Variants in LTBP1 observed in about 807,000 individuals in gnomAD.
LTBP1 encodes latent transforming growth factor beta binding protein 1.
Under a neutral mutation model 207.6 loss-of-function variants are expected in LTBP1, and 129 were observed. That is an observed-to-expected ratio of 0.62 (90% confidence interval 0.54 to 0.72). The LOEUF is 0.72. Among genes scored for constraint, LTBP1 ranks in the 30% least tolerant of loss-of-function variants. LTBP1 has a pLI of 0.00. For synonymous variants in LTBP1, 963 were observed against 833.7 expected (o/e 1.16, Z -2.67); for missense variants, 2,281 against 2,217.2 (o/e 1.03, Z -0.58).
intron 10 of LTBP1, among the ~76,000 whole-genome samples, chr2:33,251,968 T>A (rs2092698786): frequency 1.3e-5 from 2 of 152,196 alleles, no homozygotes; most frequent in Admixed American, 6.5e-5. Flanking sequence ...GATGAACTCT[T>A]ATCTACTAAA....
intron 3 of LTBP1, chr2:33,061,501 C>G (rs531125874): frequency 2.0e-5 from 3 of 152,116 alleles, no homozygotes; most frequent in South Asian, 2.1e-4. Flanking sequence ...GACAACCACT[C>G]TTCTGATTTT....
intron 7 of LTBP1, among the ~76,000 whole-genome samples, chr2:33,192,796 G>A (rs1337898221): frequency 2.0e-5 from 3 of 152,158 alleles, no homozygotes; most frequent in African/African-American, 7.2e-5. Flanking sequence ...TCAATATCAA[G>A]ATGCCAGCAT....
chr2:33,232,897 G>A (rs1268857252), intron 9 of LTBP1, among the ~76,000 whole-genome samples: 3 of 151,952 alleles, frequency 2.0e-5, no homozygotes, highest in Non-Finnish European at 4.4e-5. Context: ...GTTTTCTAGT[G>A]GTGCTTGACT....
intron 2 of LTBP1, among the ~76,000 whole-genome samples, chr2:32,963,024 G>A (rs892783313): frequency 6.6e-6 from 1 of 152,182 alleles, no homozygotes; most frequent in African/African-American, 2.4e-5. Context: ...GGGGGACAGG[G>A]AAATCAGCTC....
chr2:32,955,482 AT>A (rs936090740), intron 2 of LTBP1, among the ~76,000 whole-genome samples: 18 of 151,918 alleles, frequency 1.2e-4, no homozygotes, highest in Middle Eastern at 3.4e-3. Flanking sequence ...TCTTCCACTA[AT>A]TTTTTTTAAT....
intron 7 of LTBP1, among the ~76,000 whole-genome samples, chr2:33,212,801 A>G (rs1369731479): frequency 6.6e-6 from 1 of 152,132 alleles, no homozygotes; most frequent in Non-Finnish European, 1.5e-5. Flanking sequence ...CCAACATAAC[A>G]CTCCAAGGAA....
chr2:33,223,319 G>T (rs773354760), intron 9 of LTBP1, among the ~76,000 whole-genome samples: 9 of 152,130 alleles, frequency 5.9e-5, no homozygotes, highest in Non-Finnish European at 1.0e-4. Context: ...TAACATAAAA[G>T]AATTTATTTA....
intron 2 of LTBP1, among the ~76,000 whole-genome samples, chr2:32,959,615 A>ATTTTT (rs1232142524): frequency 4.0e-4 from 15 of 37,708 alleles, no homozygotes; most frequent in African/African-American, 7.5e-4. Flanking sequence ...ATATATATAT[A>ATTTTT]TATATATTTT....
chr2:33,393,751 T>C (rs549855992), intron 32 of LTBP1, among the ~76,000 whole-genome samples: 12 of 152,226 alleles, frequency 7.9e-5, no homozygotes, highest in Non-Finnish European at 1.8e-4. Flanking sequence ...ACAGTAAGCA[T>C]ACATGTGCAT....
intron 3 of LTBP1, among the ~76,000 whole-genome samples, 161 bp from the exon 4 acceptor site, chr2:33,110,421 A>G (rs929780466): frequency 3.9e-5 from 6 of 152,070 alleles, no homozygotes; most frequent in East Asian, 1.9e-4. Flanking sequence ...ACCTCCTTCT[A>G]TGTCATGAGT....
chr2:33,288,796 A>G (rs997614769), intron 19 of LTBP1, among the ~76,000 whole-genome samples: 2 of 151,204 alleles, frequency 1.3e-5, no homozygotes, highest in Admixed American at 6.6e-5. Flanking sequence ...CAGAAGTTGC[A>G]GTGAGCCGAG....
intron 2 of LTBP1, among the ~76,000 whole-genome samples, chr2:33,007,758 A>C (rs1017436442): frequency 6.6e-6 from 1 of 152,248 alleles, no homozygotes; most frequent in African/African-American, 2.4e-5. Flanking sequence ...AATTTGGTGC[A>C]TAGGATAATA....
At chr2:33,000,413 G>A (rs998656193) in intron 2 of LTBP1, among the ~76,000 whole-genome samples, 2 of 135,468 alleles carry the variant, frequency 1.5e-5, no homozygotes, top group African/African-American at 5.1e-5. Context: ...AGCATGAGCC[G>A]TGCATGGGAT....
intron 6 of LTBP1, among the ~76,000 whole-genome samples, chr2:33,187,318 C>T (rs554430833): frequency 2.7e-4 from 41 of 152,254 alleles, no homozygotes; most frequent in African/African-American, 9.4e-4. Context: ...GCCCATTCTT[C>T]TCTAGTGATT....
At chr2:33,359,424 T>G (rs2094901283) in intron 26 of LTBP1, among the ~76,000 whole-genome samples, 1 of 152,192 alleles carries the variant, frequency 6.6e-6, no homozygotes, top group South Asian at 2.1e-4. Context: ...TAGGAAGCTA[T>G]TGTAAAAATA....
intron 3 of LTBP1, among the ~76,000 whole-genome samples, chr2:33,100,588 C>T (rs764623942): frequency 3.0e-4 from 45 of 152,020 alleles, no homozygotes; most frequent in Admixed American, 4.6e-4. Context: ...TTTCATTGTA[C>T]AGTTCATGGA....
At chr2:33,391,494 C>T (rs1443569258) in intron 32 of LTBP1, among the ~76,000 whole-genome samples, 3 of 152,092 alleles carry the variant, frequency 2.0e-5, no homozygotes, top group Non-Finnish European at 2.9e-5. Context: ...CCCAGCTTGC[C>T]CCATTAATCA....
At chr2:33,166,233 G>A (rs927975417) in intron 5 of LTBP1, among the ~76,000 whole-genome samples, 6 of 151,942 alleles carry the variant, frequency 3.9e-5, no homozygotes, top group African/African-American at 1.2e-4. Flanking sequence ...AAAATGTATG[G>A]TACATTTTCA....
intron 3 of LTBP1, among the ~76,000 whole-genome samples, chr2:33,069,920 G>T (rs1001128626): frequency 9.2e-5 from 14 of 152,198 alleles, no homozygotes; most frequent in African/African-American, 1.2e-4. Flanking sequence ...TACTTGGTCT[G>T]TTGATCCTGT....
Sources: allele counts gnomAD v4.1 joint callset (sites outside exome capture counted in the v4.1 genomes callset), GRCh38; gene constraint gnomAD v4.1.1; transcripts MANE v1.5; gene names NCBI Gene and HGNC (gene_info 2026-07-23, HGNC 2026-07-21).